The following GLIS1 variants were observed in gnomAD, a reference collection of about 807,000 sequenced individuals.
GLIS1 encodes the protein zinc finger protein GLIS1.
GLIS1 carries 24 observed loss-of-function variants against 63.8 expected under a neutral mutation model. The observed-to-expected ratio is 0.38, with a 90% CI of 0.27 to 0.53. GLIS1 has a LOEUF of 0.53. Among genes scored for constraint, GLIS1 ranks in the 20% least tolerant of loss-of-function variants. The probability of loss-of-function intolerance (pLI) is 0.85; values close to 1 mark genes in which losing one functional copy is unlikely to be tolerated. For synonymous variants in GLIS1, 450 were observed against 482.5 expected (o/e 0.93, Z 0.88); for missense variants, 1,036 against 1,074.1 (o/e 0.96, Z 0.50).
At position 53,594,559 on chromosome 1, in the gene GLIS1, C is replaced by T. The variant is rs964164499; in HGVS notation, c.869G>A (p.Gly290Asp). 1.3e-6 allele frequency: 2 copies of T among 1,599,192 alleles called. No homozygotes were observed. Among genetic ancestry groups the T allele is most frequent in the Non-Finnish European group, 1.7e-6 (2 of 1,169,394 alleles). The change falls in exon 4 of 11, where the codon GGC becomes GAC. Residue 290 changes from glycine (G) to aspartate (D), a missense_variant. By Grantham distance (94) the Gly-to-Asp change is moderately conservative. This residue lies in a region of GLIS1 where 592 missense variants were observed against 593.9 expected (regional missense o/e 1.00). Coordinates refer to ENST00000628545, the MANE Select transcript of GLIS1 (RefSeq NM_001367484.1). ...GCCAGGCCGGGCCCGCTTGGAAGGG[C>T]CCCCCAGATCTCCCGTCAGAGGGGG... ...RSPPLTGDLG[G>D]PSKRARPGPA...
intron 2 of GLIS1, among the ~76,000 whole-genome samples, chr1:53,701,189 AG>A (rs1446577257): frequency 1.3e-5 from 2 of 152,212 alleles, no homozygotes; most frequent in African/African-American, 4.8e-5. Flanking sequence ...TAACCTTTCG[AG>A]GAACTACCAG....
intron 2 of GLIS1, among the ~76,000 whole-genome samples, chr1:53,632,105 GTGAC>G (rs1188220552): frequency 1.3e-5 from 2 of 150,838 alleles, no homozygotes; most frequent in South Asian, 2.1e-4. Context: ...GTGAATGAAT[GTGAC>G]TGAGGGGTGT....
chr1:53,568,693 C>T (rs1644957090), intron 4 of GLIS1, among the ~76,000 whole-genome samples: 1 of 152,144 alleles, frequency 6.6e-6, no homozygotes, highest in Non-Finnish European at 1.5e-5. Context: ...AAGATCTAAT[C>T]ATTTAAAAGT....
At chr1:53,679,679 T>C (rs909715844) in intron 2 of GLIS1, among the ~76,000 whole-genome samples, 2 of 152,158 alleles carry the variant, frequency 1.3e-5, no homozygotes, top group African/African-American at 4.8e-5. Flanking sequence ...CAGCCATGCC[T>C]CCTGGACGGG....
intron 4 of GLIS1, 98 bp from the exon 5 acceptor site, chr1:53,530,050 G>A: frequency 8.9e-7 from 1 of 1,125,852 alleles, no homozygotes; most frequent in Non-Finnish European, 1.2e-6. Flanking sequence ...CAGCACCCCT[G>A]CCCCTCCCAT....
At position 53,675,524 on chromosome 1, in the gene GLIS1, G is replaced by A. The variant is rs567415156; in HGVS notation, c.259+62282C>T. On this transcript the variant is annotated intron_variant, in intron 2 of 10. Transcript: ENST00000628545. ...CTCTGAGTGAGCCCAGATCTCCCAA[G>A]GCAAGAAAAATATCATCTCTCTCCC... Among the ~76,000 whole-genome samples, 14 of 152,244 alleles carry A rather than the reference G, an allele frequency of 9.2e-5. No individual in the cohort carries two copies. The South Asian group carries it at 2.7e-3, about 29-fold the overall frequency.
At chr1:53,726,336 C>G (rs756174595) in intron 2 of GLIS1, among the ~76,000 whole-genome samples, 30 of 152,154 alleles carry the variant, frequency 2.0e-4, no homozygotes, top group Admixed American at 1.3e-4. Flanking sequence ...AATAAGGATG[C>G]TAACACCCAC....
At chr1:53,536,956 A>C (rs1373030702) in intron 4 of GLIS1, among the ~76,000 whole-genome samples, 1 of 151,078 alleles carries the variant, frequency 6.6e-6, no homozygotes, top group African/African-American at 2.5e-5. Flanking sequence ...AGATTAAAAA[A>C]ACGGGGAAAA....
chr1:53,550,339 G>A (rs912959120), intron 4 of GLIS1, among the ~76,000 whole-genome samples: 1 of 152,178 alleles, frequency 6.6e-6, no homozygotes, highest in East Asian at 1.9e-4. Context: ...CTCTGCAGTA[G>A]GCCTGGGCTG....
intron 6 of GLIS1, among the ~76,000 whole-genome samples, chr1:53,521,203 C>CA (rs1256890411): frequency 6.6e-6 from 1 of 152,184 alleles, no homozygotes; most frequent in African/African-American, 2.4e-5. Flanking sequence ...CTGCCACACT[C>CA]AGTCATTGCT....
chr1:53,727,543 G>C (rs575117747), intron 2 of GLIS1, among the ~76,000 whole-genome samples: 2 of 152,364 alleles, frequency 1.3e-5, no homozygotes, highest in South Asian at 4.1e-4. Flanking sequence ...TTGGGGCTTT[G>C]TCTTAAAGGG....
chr1:53,572,968 T>C (rs1257838328), intron 4 of GLIS1, among the ~76,000 whole-genome samples: 1 of 152,170 alleles, frequency 6.6e-6, no homozygotes, highest in African/African-American at 2.4e-5. Flanking sequence ...TCAAAAGTGT[T>C]AGTGTGCTCA....
At chr1:53,582,177 C>T (rs1279634591) in intron 4 of GLIS1, among the ~76,000 whole-genome samples, 1 of 152,176 alleles carries the variant, frequency 6.6e-6, no homozygotes, top group Non-Finnish European at 1.5e-5. Context: ...TAAGGCCCCA[C>T]AGTCAGGTGG....
At chr1:53,615,756 AT>A (rs60379963) in intron 2 of GLIS1, among the ~76,000 whole-genome samples, 1 of 31,926 alleles carries the variant, frequency 3.1e-5, no homozygotes, top group African/African-American at 5.7e-5. Flanking sequence ...TTTTATTTTT[AT>A]TTTTTTTGGA....
chr1:53,720,304 T>C (rs753383687), intron 2 of GLIS1, among the ~76,000 whole-genome samples: 6 of 152,184 alleles, frequency 3.9e-5, no homozygotes, highest in Non-Finnish European at 7.4e-5. Flanking sequence ...ATAAATACAC[T>C]ATAGAATATT....
At chr1:53,613,859 A>T (rs966743531) in intron 2 of GLIS1, among the ~76,000 whole-genome samples, 8 of 152,208 alleles carry the variant, frequency 5.3e-5, no homozygotes, top group Non-Finnish European at 1.2e-4. Flanking sequence ...AAGAGGCTGG[A>T]CAGAGGACAG....
chr1:53,710,188 G>A (rs1879731), intron 2 of GLIS1, among the ~76,000 whole-genome samples: 38,982 of 152,056 alleles, frequency 0.26, 5,295 homozygotes, highest in African/African-American at 0.35. Context: ...AACACCACCC[G>A]TCTCCATCTC....
At chr1:53,510,398 G>A (rs562219255) in intron 8 of GLIS1, among the ~76,000 whole-genome samples, 24 of 152,302 alleles carry the variant, frequency 1.6e-4, no homozygotes, top group African/African-American at 5.3e-4. Flanking sequence ...CACCGGGCAC[G>A]CTGCAGTGTT....
chr1:53,735,638 G>A (rs1223301029), intron 2 of GLIS1, among the ~76,000 whole-genome samples: 1 of 152,120 alleles, frequency 6.6e-6, no homozygotes, highest in Non-Finnish European at 1.5e-5. Context: ...ATAGATGGTG[G>A]GGTCTCACAA....
Sources: gnomAD v4.1 joint callset for allele counts (sites outside exome capture counted in the v4.1 genomes callset) on GRCh38, gnomAD v4.1.1 for gene constraint, gnomAD v4.1.1 regional missense constraint, MANE v1.5 for transcripts, NCBI Gene and HGNC (gene_info 2026-07-23, HGNC 2026-07-21) for gene names.